The following MCAM variants were observed in gnomAD, a reference collection of about 807,000 sequenced individuals.
The protein encoded by MCAM is melanoma cell adhesion molecule.
A neutral mutation model predicts 79.1 loss-of-function variants in MCAM; 55 were observed. That is an observed-to-expected ratio of 0.70 (90% CI 0.56 to 0.87). The LOEUF (loss-of-function observed/expected upper bound fraction) is 0.87, where lower values mean the gene tolerates loss of function less well. Among genes scored for constraint, MCAM ranks in the 40% least tolerant of loss-of-function variants. The pLI is 0.00. For missense variants in MCAM, 745 were observed against 839.8 expected, an observed-to-expected ratio of 0.89 and a Z score of 1.40; for synonymous variants, 330 against 339.8, an observed-to-expected ratio of 0.97 and a Z score of 0.32.
At position 119,310,336 on chromosome 11, in the gene MCAM, A is replaced by C; in HGVS notation, c.1911+13T>G. On this transcript the variant is annotated intron_variant, in intron 15 of 15. Coordinates refer to ENST00000264036, the MANE Select transcript of MCAM (RefSeq NM_006500.3). ...GGATGTGGCAGGCTCTGGCCACAGG[A>C]ACCGCCTCCTACCTGGTCTCCCGGA... The C allele has an allele frequency of 6.4e-7, 1 of 1,571,304 alleles. No individual in the cohort carries two copies. The highest frequency in any genetic ancestry group is 8.8e-7 in the Non-Finnish European group (1 of 1,141,748).
chr11:119,313,022 G>T, intron 5 of MCAM, 73 bp from the exon 6 acceptor site: 1 of 1,603,556 alleles, frequency 6.2e-7, no homozygotes, highest in Admixed American at 1.7e-5. Context: ...TTGTCCACTG[G>T]GGTTGGCAGG....
intron 15 of MCAM, 52 bp downstream of exon 15, chr11:119,310,297 C>A (rs1009609900): frequency 2.6e-6 from 3 of 1,171,912 alleles, no homozygotes; most frequent in Non-Finnish European, 3.8e-6. Flanking sequence ...GTCCCTACTG[C>A]CCCCGGTCCC....
rs914249301 is a variant in MCAM at position 119,312,524 on chromosome 11, C to T, written c.861+3G>A. The T allele has an allele frequency of 2.6e-5, 42 of 1,614,046 alleles. No homozygotes were observed. The highest frequency in any genetic ancestry group is 8.9e-5 in the East Asian group (4 of 44,882). Reference sequence around the variant, plus strand: ...ACCTGCACCCAGCACAAAGCCCCCACACCTGCTTGCTGATGCTGAAGTGTG... The same window carrying T: ...ACCTGCACCCAGCACAAAGCCCCCATACCTGCTTGCTGATGCTGAAGTGTG... On this transcript the variant is annotated splice_donor_region_variant and intron_variant, in intron 7 of 15. Coordinates refer to ENST00000264036, the MANE Select transcript of MCAM (RefSeq NM_006500.3). The surrounding 1 kb of genome is among the most constrained non-coding windows in gnomAD (Gnocchi z 4.9).
Position 119,312,177 on chromosome 11 carries a change from G to C in MCAM, c.1025-7C>G. On this transcript the variant is annotated splice_polypyrimidine_tract_variant and splice_region_variant and intron_variant, in intron 8 of 15. Transcript: ENST00000264036. This position sits in a 1 kb window ranked among gnomAD's most constrained non-coding sequence, Gnocchi z 4.9. ...ACTCGGACGTCAGACACATCTGGGG[G>C]TACAGCAATCATGTCACCCAGGGCA... 6.2e-7 allele frequency: 1 copy of C among 1,611,440 alleles called. No homozygotes were observed. The highest frequency in any genetic ancestry group is 8.5e-7 in the Non-Finnish European group (1 of 1,178,402).
In MCAM at chr11:119,317,130, T is replaced by A. The variant is rs534790777; in HGVS notation, c.-29A>T. 1.0e-4 allele frequency: 151 copies of A among 1,501,522 alleles called. No individual in the cohort carries two copies. Among genetic ancestry groups the A allele is most frequent in the Non-Finnish European group, 1.3e-4 (141 of 1,127,304 alleles). 93.0% of individuals were successfully genotyped at this position (1,501,522 alleles called of 1,614,324 possible). On this transcript the variant is annotated 5_prime_UTR_variant, in exon 1 of 16. Coordinates refer to ENST00000264036, the MANE Select transcript of MCAM (RefSeq NM_006500.3). The surrounding 1 kb of genome is among the most constrained non-coding windows in gnomAD (Gnocchi z 6.2). ...TCCCGGCCGGAGGGCGAGAGCCAAG[T>A]GAGCAGCTCGAGGCTGCCGGGGGCT...
Position 119,310,806 on chromosome 11 carries a change from G to A in MCAM, c.1743C>T (p.Phe581=), listed in dbSNP as rs746132949. ...VLAVLGAVLY[F]LYKKGKLPCR... is the part of the protein sequence containing the mutation. ...ACGGCAGCTTGCCCTTCTTATAGAG[G>A]AAATAGAGGACAGCGCCCAGCACCG... The change falls in exon 14 of 16, where the codon TTC becomes TTT. Residue 581 remains phenylalanine (F), a synonymous_variant. Coordinates refer to ENST00000264036, the MANE Select transcript of MCAM (RefSeq NM_006500.3). 8.7e-6 allele frequency: 14 copies of A among 1,614,022 alleles called. No individual in the cohort carries two copies. Among genetic ancestry groups the A allele is most frequent in the East Asian group, 4.5e-5 (2 of 44,890 alleles).
Position 119,313,642 on chromosome 11 carries a change from C to A in MCAM, c.560-693G>T, listed in dbSNP as rs375244778. Reference sequence around the variant, plus strand: ...TCTTGAACTCCCGACCTCAGGTGATCCGCCCACCTTGGCCTCCAAAAGTGC... The same window carrying A: ...TCTTGAACTCCCGACCTCAGGTGATACGCCCACCTTGGCCTCCAAAAGTGC... On this transcript the variant is annotated intron_variant, in intron 5 of 15. Coordinates refer to ENST00000264036, the MANE Select transcript of MCAM (RefSeq NM_006500.3). The A allele has an allele frequency of 4.7e-5, 12 of 253,648 alleles. No homozygotes were observed. In the East Asian group the frequency reaches 6.7e-4, roughly 14 times the overall value. 15.7% of individuals were successfully genotyped at this position (253,648 alleles called of 1,614,324 possible).
In MCAM at chr11:119,314,850, A is replaced by C; in HGVS notation, c.383T>G (p.Ile128Ser). 2 of 1,613,686 alleles carry C rather than the reference A, an allele frequency of 1.2e-6. No individual in the cohort carries two copies. The highest frequency in any genetic ancestry group is 1.7e-6 in the Non-Finnish European group (2 of 1,180,012). ...TCACGCACTGTAGACGCGGAGCTGG[A>C]TGCGGTACTCCTGGGACCGAGGGCG... ...GKRPRSQEYR[I>S]QLRVYKAPEE... The change falls in exon 3 of 16, where the codon ATC (isoleucine) becomes AGC (serine). Residue 128 changes from isoleucine (I) to serine (S), a missense_variant. Physicochemically the swap from Ile to Ser is moderately radical, Grantham distance 142 (BLOSUM62 -2). Transcript: ENST00000264036.
Position 119,311,356 on chromosome 11 carries a change from C to T in MCAM, c.1473G>A (p.Glu491=), listed in dbSNP as rs765408765. ...TGCATTCAACACCTGTCTCCAACAG[C>T]TCCGGGGTCACGAGGACATTCAGGG... is the stretch of plus-strand genomic sequence containing the variant. The part of the protein sequence containing the change: ...LSTLNVLVTP[E]LLETGVECTA... Residue 491 remains glutamate, a synonymous_variant, in exon 12 of 16, where the codon GAG becomes GAA. Transcript: ENST00000264036. This position sits in a 1 kb window ranked among gnomAD's most constrained non-coding sequence, Gnocchi z 4.4. The T allele has an allele frequency of 4.6e-5, 74 of 1,614,120 alleles. No individual in the cohort carries two copies. In the South Asian group the frequency reaches 7.8e-4, roughly 17 times the overall value.
Position 119,310,849 on chromosome 11 carries a change from A to G in MCAM, c.1700T>C (p.Val567Ala), listed in dbSNP as rs1333653536. Residue 567 changes from valine (V) to alanine (A), a missense_variant, in exon 14 of 16, where the codon GTG becomes GCG. By Grantham distance (64) the Val-to-Ala change is moderately conservative. Coordinates refer to ENST00000264036, the MANE Select transcript of MCAM (RefSeq NM_006500.3). Reference sequence around the variant, plus strand: ...CAGCACCGCCAGGACCAGGATGCACACAATCACAGCCACGATGACCACGCC... The same window carrying G: ...CAGCACCGCCAGGACCAGGATGCACGCAATCACAGCCACGATGACCACGCC... Reference protein sequence around the residue: ...SRGVVIVAVIVCILVLAVLGA... With the variant: ...SRGVVIVAVIACILVLAVLGA... 1 of 1,614,070 alleles carries G rather than the reference A, an allele frequency of 6.2e-7. No homozygotes were observed. Among genetic ancestry groups the G allele is most frequent in the East Asian group, 2.2e-5 (1 of 44,898 alleles).
Position 119,311,032 on chromosome 11 carries a change from G to T in MCAM, c.1645+58C>A, listed in dbSNP as rs200005181. 936 of 1,614,014 alleles carry T rather than the reference G, an allele frequency of 5.8e-4. 8 individuals are homozygous for T. Among genetic ancestry groups the T allele is most frequent in the Admixed American group, 2.2e-4 (13 of 60,014 alleles). ...TTTCTGGACAGGGCTCTCTGGGGAGGGACAGGGCAGAAAGGATGCCCTGGC... is the reference window on the plus strand; with the variant it reads ...TTTCTGGACAGGGCTCTCTGGGGAGTGACAGGGCAGAAAGGATGCCCTGGC... On this transcript the variant is annotated intron_variant, in intron 13 of 15. Coordinates refer to ENST00000264036, the MANE Select transcript of MCAM (RefSeq NM_006500.3). The surrounding 1 kb of genome is among the most constrained non-coding windows in gnomAD (Gnocchi z 4.4).
In MCAM at chr11:119,314,706, G is replaced by A. The variant is rs1950283390; in HGVS notation, c.444C>T (p.Ile148=). The A allele has an allele frequency of 1.2e-6, 2 of 1,613,998 alleles. No homozygotes were observed. Among genetic ancestry groups the A allele is most frequent in the Non-Finnish European group, 1.7e-6 (2 of 1,180,000 alleles). Reference sequence around the variant, plus strand: ...CCTCAGGCTCCTTACTGTTCACAGGGATGCCCAGGGGGTTGACCTGGATGT... The same window carrying A: ...CCTCAGGCTCCTTACTGTTCACAGGAATGCCCAGGGGGTTGACCTGGATGT... ...EPNIQVNPLG[I]PVNSKEPEEV... is the part of the protein sequence containing the mutation. Residue 148 remains isoleucine (I), a synonymous_variant, in exon 4 of 16, where the codon ATC becomes ATT. Coordinates refer to ENST00000264036, the MANE Select transcript of MCAM (RefSeq NM_006500.3).
At chr11:119,313,138 A>G in intron 5 of MCAM, 189 bp from the exon 6 acceptor site, 1 of 1,529,470 alleles carries the variant, frequency 6.5e-7, no homozygotes, top group South Asian at 1.2e-5. Context: ...CCCTAGAAAA[A>G]CATTTTCATG....
chr11:119,317,089 T>G lies in MCAM; in HGVS notation c.13A>C (p.Arg5=). The G allele has an allele frequency of 1.3e-6, 2 of 1,529,656 alleles. No homozygotes were observed. The allele number at this position is 1,529,656 out of a possible 1,614,324, so 94.8% of individuals were successfully genotyped here. MGLP[R]LVCAFLLAAC... is the part of the protein sequence containing the mutation. ...GCGAGCAAGAAGGCGCAGACCAGCC[T>G]GGGAAGCCCCATGCTTCCCGGCCGG... is the stretch of plus-strand genomic sequence containing the variant. Residue 5 remains arginine (R), a synonymous_variant, in exon 1 of 16, where the codon AGG becomes CGG. Transcript: ENST00000264036. The surrounding 1 kb of genome is among the most constrained non-coding windows in gnomAD (Gnocchi z 6.2).
rs184863886 is a variant in MCAM, at chr11:119,309,979, C to A, written c.1912-64G>T. The A allele has an allele frequency of 1.3e-4, 176 of 1,359,846 alleles. 2 individuals are homozygous for A. The African/African-American group carries it at 2.2e-3, about 17-fold the overall frequency. 84.2% of individuals were successfully genotyped at this position (1,359,846 alleles called of 1,614,324 possible). ...GGTGCTGAGTTGAAGGTGTGAGCACCGAGAGGAAGGAGAGATGGAAGCAGA... is the reference window on the plus strand; with the variant it reads ...GGTGCTGAGTTGAAGGTGTGAGCACAGAGAGGAAGGAGAGATGGAAGCAGA... On this transcript the variant is annotated intron_variant, in intron 15 of 15. Coordinates refer to ENST00000264036, the MANE Select transcript of MCAM (RefSeq NM_006500.3).
Position 119,311,218 on chromosome 11 carries a change from C to T in MCAM, c.1550-33G>A, listed in dbSNP as rs761939469. ...GCAGAGGGAGGGGTGTTAGGAGAAG[C>T]GCAAGTTACTGCCCGTGCCTGGGCC... On this transcript the variant is annotated intron_variant, in intron 12 of 15. Coordinates refer to ENST00000264036, the MANE Select transcript of MCAM (RefSeq NM_006500.3). This position sits in a 1 kb window ranked among gnomAD's most constrained non-coding sequence, Gnocchi z 4.4. 10 of 1,613,044 alleles carry T rather than the reference C, an allele frequency of 6.2e-6. No individual in the cohort carries two copies. The highest frequency in any genetic ancestry group is 2.2e-5 in the South Asian group (2 of 91,054).
chr11:119,310,881 C>T lies in MCAM; in HGVS notation c.1668G>A (p.Glu556=). Residue 556 remains glutamate (E), a synonymous_variant, in exon 14 of 16, where the codon GAG becomes GAA. Coordinates refer to ENST00000264036, the MANE Select transcript of MCAM (RefSeq NM_006500.3). ...CAGCCACGATGACCACGCCCCGGCT[C>T]TCCGGCTCCGGCAGCTTTCTCTCTG... The part of the protein sequence containing the change: ...TSTERKLPEP[E]SRGVVIVAVI... The T allele has an allele frequency of 6.2e-7, 1 of 1,614,198 alleles. No individual in the cohort carries two copies. The highest frequency in any genetic ancestry group is 2.2e-5 in the East Asian group (1 of 44,882).
chr11:119,314,353 C>T, intron 5 of MCAM, 136 bp downstream of exon 5: 1 of 757,238 alleles, frequency 1.3e-6, no homozygotes. Context: ...ACAGGGTCAC[C>T]CTATGTTGTC....
At position 119,313,168 on chromosome 11, in the gene MCAM, G is replaced by A. The variant is rs779274591; in HGVS notation, c.560-219C>T. 4 of 1,511,648 alleles carry A rather than the reference G, an allele frequency of 2.6e-6. 1 individual carries two copies. In the South Asian group the frequency reaches 4.8e-5, roughly 18 times the overall value. The allele number at this position is 1,511,648 out of a possible 1,614,324, so 93.6% of individuals were successfully genotyped here. A position where few individuals can be genotyped will look rare whatever the true frequency, so the allele number is the denominator to read the frequency against. On this transcript the variant is annotated intron_variant, in intron 5 of 15. Transcript: ENST00000264036. ...TTCATGTCTGCTCATATCCAAGGATGTGTGCAAAGAATGCTGCAATGATAA... is the reference window on the plus strand; with the variant it reads ...TTCATGTCTGCTCATATCCAAGGATATGTGCAAAGAATGCTGCAATGATAA...
Sources: allele counts gnomAD v4.1 joint callset, GRCh38; gene constraint gnomAD v4.1.1; non-coding constraint Gnocchi (gnomAD v3.1); transcripts MANE v1.5; gene names NCBI Gene and HGNC (gene_info 2026-07-23, HGNC 2026-07-21).